The following PXDNL variants were observed in gnomAD, a reference collection of about 807,000 sequenced individuals.
The protein encoded by PXDNL is peroxidasin like, also known as probable oxidoreductase PXDNL.
PXDNL carries 145 observed loss-of-function variants against 150.8 expected under a neutral mutation model. That is an observed-to-expected ratio of 0.96 (90% confidence interval 0.84 to 1.10). PXDNL has a LOEUF of 1.10. PXDNL is among the 50% of genes least tolerant of loss of function. The probability of loss-of-function intolerance (pLI) is 0.00; values close to 1 mark genes in which losing one functional copy is unlikely to be tolerated. For synonymous variants in PXDNL, 757 were observed against 725.7 expected, an observed-to-expected ratio of 1.04 and a Z score of -0.69; for missense variants, 2,087 against 1,873.9, an observed-to-expected ratio of 1.11 and a Z score of -2.10.
intron 5 of PXDNL, among the ~76,000 whole-genome samples, chr8:51,493,262 T>G (rs547280600): frequency 6.6e-6 from 1 of 152,222 alleles, no homozygotes; most frequent in South Asian, 2.1e-4. Context: ...AAAGGACATC[T>G]ACACCAAAAC....
rs2037373835 is a variant in PXDNL at position 51,778,194 on chromosome 8, G to T, written c.164+30987C>A. Among the ~76,000 whole-genome samples the T allele has an allele frequency of 2.6e-5, 4 of 151,898 alleles. No homozygotes were observed. The South Asian group carries it at 8.3e-4, about 32-fold the overall frequency. On this transcript the variant is annotated intron_variant, in intron 1 of 22. Coordinates refer to ENST00000356297, the MANE Select transcript of PXDNL (RefSeq NM_144651.5). Reference sequence around the variant, plus strand: ...AAAATGAAGCTGAGGCAGGAGAATGGTGTGAACCCAGGAGGTGGAGCTTGC... The same window carrying T: ...AAAATGAAGCTGAGGCAGGAGAATGTTGTGAACCCAGGAGGTGGAGCTTGC...
chr8:51,459,941 C>T (rs1185654070), intron 8 of PXDNL, among the ~76,000 whole-genome samples: 1 of 152,044 alleles, frequency 6.6e-6, no homozygotes, highest in Non-Finnish European at 1.5e-5. Flanking sequence ...AAGTTATCAC[C>T]ACACAAATTA....
chr8:51,522,601 TG>T lies in PXDNL; in HGVS notation c.381-22832del, dbSNP rs543663655. ...GCTCTCGCCTGTAATCCCAGCACTT[TG>T]GGGGGCCGAAGTGGGTGGATCACCT... On this transcript the variant is annotated intron_variant, in intron 4 of 22. Transcript: ENST00000356297. 4.9e-3 allele frequency among the ~76,000 whole-genome samples: 747 copies of T among 152,206 alleles called. 7 individuals are homozygous for T. Among genetic ancestry groups the T allele is most frequent in the Non-Finnish European group, 7.6e-3 (519 of 67,998 alleles).
intron 12 of PXDNL, among the ~76,000 whole-genome samples, chr8:51,433,391 G>A (rs980905602): frequency 6.6e-6 from 1 of 151,900 alleles, no homozygotes; most frequent in Non-Finnish European, 1.5e-5. Context: ...TTGATCGAAT[G>A]TTTTCCCTGC....
At chr8:51,449,625 C>T (rs1404466455) in intron 10 of PXDNL, among the ~76,000 whole-genome samples, 1 of 152,088 alleles carries the variant, frequency 6.6e-6, no homozygotes, top group Non-Finnish European at 1.5e-5. Flanking sequence ...ATTCAGAGTT[C>T]CAAATATTCA....
At chr8:51,709,176 T>C (rs1043802569) in intron 1 of PXDNL, among the ~76,000 whole-genome samples, 1 of 152,080 alleles carries the variant, frequency 6.6e-6, no homozygotes, top group African/African-American at 2.4e-5. Context: ...AATTAGTAAA[T>C]TTCATTACTA....
At chr8:51,474,024 T>A (rs1810415508) in intron 7 of PXDNL, among the ~76,000 whole-genome samples, 1 of 152,196 alleles carries the variant, frequency 6.6e-6, no homozygotes. Flanking sequence ...GTAGTAAAGA[T>A]GGGAGCTATG....
intron 3 of PXDNL, among the ~76,000 whole-genome samples, chr8:51,564,991 G>A (rs961966498): frequency 3.3e-5 from 5 of 151,796 alleles, no homozygotes; most frequent in African/African-American, 1.2e-4. Context: ...CATTAGCTAA[G>A]GCTTCCAGTA....
chr8:51,625,576 T>C (rs1321515639), intron 2 of PXDNL, among the ~76,000 whole-genome samples: 2 of 152,126 alleles, frequency 1.3e-5, no homozygotes, highest in African/African-American at 4.8e-5. Context: ...AATATCAGGG[T>C]TCAAATTTCT....
At chr8:51,375,016 A>G (rs1326763621) in intron 17 of PXDNL, among the ~76,000 whole-genome samples, 1 of 152,068 alleles carries the variant, frequency 6.6e-6, no homozygotes, top group African/African-American at 2.4e-5. Context: ...AAACATATGG[A>G]GTATAACTGT....
In PXDNL at chr8:51,409,219, A is replaced by T. The variant is rs1245353223; in HGVS notation, c.2405T>A (p.Met802Lys). Residue 802 changes from methionine (M) to lysine (K), a missense_variant, in exon 17 of 23, where the codon ATG becomes AAG. Transcript: ENST00000356297. ...TAGAAACCAGCCCCAGTGCATGAGC[A>T]TGCGCGTGTAGCTGTGGTCGGGGGT... Reference protein sequence around the residue: ...AVTPDHSYTRMLMHWGWFLEH... With the variant: ...AVTPDHSYTRKLMHWGWFLEH... 2 of 1,567,406 alleles carry T rather than the reference A, an allele frequency of 1.3e-6. No individual in the cohort carries two copies. The highest frequency in any genetic ancestry group is 1.7e-6 in the Non-Finnish European group (2 of 1,161,894).
intron 2 of PXDNL, among the ~76,000 whole-genome samples, chr8:51,648,536 T>C (rs545436589): frequency 6.6e-6 from 1 of 152,330 alleles, no homozygotes; most frequent in Non-Finnish European, 1.5e-5. Flanking sequence ...AAGGCAGTCC[T>C]GCCCACACCT....
At chr8:51,621,116 A>T (rs1814243448) in intron 2 of PXDNL, among the ~76,000 whole-genome samples, 1 of 152,316 alleles carries the variant, frequency 6.6e-6, no homozygotes, top group Non-Finnish European at 1.5e-5. Context: ...TGGTAGGAGC[A>T]TATATCAAGT....
chr8:51,440,274 G>A (rs916889074), intron 12 of PXDNL, among the ~76,000 whole-genome samples: 3 of 151,968 alleles, frequency 2.0e-5, no homozygotes, highest in East Asian at 3.9e-4. Context: ...TTGGGGATTC[G>A]GGGGAAAGGA....
chr8:51,670,940 A>C (rs1446105799), intron 1 of PXDNL, among the ~76,000 whole-genome samples: 4 of 152,242 alleles, frequency 2.6e-5, no homozygotes, highest in Non-Finnish European at 5.9e-5. Flanking sequence ...CCATGCATAA[A>C]GAAGAATGCC....
intron 17 of PXDNL, among the ~76,000 whole-genome samples, chr8:51,376,021 A>C: frequency 6.6e-6 from 1 of 152,258 alleles, no homozygotes; most frequent in East Asian, 1.9e-4. Context: ...CAAGAGCTAG[A>C]ATTCTGAGGG....
chr8:51,615,757 T>C (rs1243727076), intron 2 of PXDNL, among the ~76,000 whole-genome samples: 1 of 152,204 alleles, frequency 6.6e-6, no homozygotes, highest in Non-Finnish European at 1.5e-5. Flanking sequence ...ACATTTACAA[T>C]TCATAATAAG....
At chr8:51,622,983 C>A (rs1393028448) in intron 2 of PXDNL, among the ~76,000 whole-genome samples, 1 of 152,224 alleles carries the variant, frequency 6.6e-6, no homozygotes, top group Non-Finnish European at 1.5e-5. Flanking sequence ...CTGCTGCCTT[C>A]CCTTTATAGG....
chr8:51,331,153 C>T (rs1461796825), intron 21 of PXDNL, among the ~76,000 whole-genome samples: 2 of 152,136 alleles, frequency 1.3e-5, no homozygotes. Flanking sequence ...ACTGTAAGTG[C>T]CCCAACTGCA....
Sources: allele counts gnomAD v4.1 joint callset (sites outside exome capture counted in the v4.1 genomes callset), GRCh38; gene constraint gnomAD v4.1.1; transcripts MANE v1.5; gene names NCBI Gene and HGNC (gene_info 2026-07-23, HGNC 2026-07-21).